TF: variants seen among roughly 807,000 people sequenced by gnomAD.
TF encodes the protein transferrin.
TF carries 55 observed loss-of-function variants against 82.4 expected under a neutral mutation model. That is an observed-to-expected ratio of 0.67 (90% confidence interval 0.54 to 0.84). The LOEUF (loss-of-function observed/expected upper bound fraction) is 0.84. Ranked by LOEUF, TF falls within the 40% of genes least tolerant of loss-of-function variation. The pLI is 0.00. For synonymous variants in TF, 332 were observed against 332.6 expected (o/e 1.00, Z 0.02); for missense variants, 737 against 868.4 (o/e 0.85, Z 1.90).
chr3:133,677,294 G>A, the TF span, among the ~76,000 whole-genome samples: 7 of 152,158 alleles, frequency 4.6e-5, no homozygotes, highest in African/African-American at 1.7e-4. Flanking sequence ...CCTAGTCTAG[G>A]TTACTTGACT....
rs1934325509 is a variant in TF, at chr3:133,774,078, G to C, written c.1688-1355G>C. 5 of 152,264 alleles carry C rather than the reference G, an allele frequency of 3.3e-5. No homozygotes were observed. The South Asian group carries it at 1.0e-3, about 32-fold the overall frequency. The allele number at this position is 152,264 out of a possible 1,614,324, so 9.4% of individuals were successfully genotyped here. A position where few individuals can be genotyped will look rare whatever the true frequency, so the allele number is the denominator to read the frequency against. ...CTGGTTTGAGCTCACACAGCATCTA[G>C]AGTGTTTTACAAAATATAAAATATT... On this transcript the variant is annotated intron_variant, in intron 14 of 16. Coordinates refer to ENST00000402696, the MANE Select transcript of TF (RefSeq NM_001063.4).
At chr3:133,711,162 T>A in the TF span, among the ~76,000 whole-genome samples, 2 of 152,206 alleles carry the variant, frequency 1.3e-5, no homozygotes, top group Non-Finnish European at 2.9e-5. Context: ...AAACTCTTTT[T>A]CCCAATCTCA....
At chr3:133,770,624 G>A in intron 14 of TF, 52 bp downstream of exon 14, 1 of 1,554,328 alleles carries the variant, frequency 6.4e-7, no homozygotes, top group South Asian at 1.1e-5. Context: ...CTGGTCACTG[G>A]TATTCACTTG....
At chr3:133,673,469 G>T in the TF span, among the ~76,000 whole-genome samples, 1 of 152,084 alleles carries the variant, frequency 6.6e-6, no homozygotes, top group Non-Finnish European at 1.5e-5. Flanking sequence ...AGACTACAAC[G>T]ATCAAGAGGA....
chr3:133,748,414 C>G lies in TF; in HGVS notation c.46C>G (p.Leu16Val). The change falls in exon 2 of 17, where the codon CTG (leucine) becomes GTG (valine). Residue 16 changes from leucine to valine, a missense_variant and splice_region_variant. Leu to Val is a conservative substitution (Grantham distance 32). Transcript: ENST00000402696. ...CACCTCTGGCCTCTCTCCCCCAGGG[C>G]TGTGTCTGGCTGTCCCTGATAAAAC... ...GALLVCAVLG[L>V]CLAVPDKTVR... 1.2e-6 allele frequency: 2 copies of G among 1,614,124 alleles called. No homozygotes were observed. The highest frequency in any genetic ancestry group is 1.7e-6 in the Non-Finnish European group (2 of 1,180,034).
chr3:133,709,027 A>G, the TF span, among the ~76,000 whole-genome samples: 7,848 of 152,256 alleles, frequency 0.052, 690 homozygotes, highest in African/African-American at 0.18. Context: ...CAAGACCTCT[A>G]CTAGTACAGT....
At chr3:133,703,402 A>G in the TF span, among the ~76,000 whole-genome samples, 2 of 152,206 alleles carry the variant, frequency 1.3e-5, no homozygotes, top group Non-Finnish European at 2.9e-5. Context: ...TAGTGGTTAC[A>G]AGGAATTAAA....
At chr3:133,667,440 A>G in the TF span, among the ~76,000 whole-genome samples, 1 of 152,268 alleles carries the variant, frequency 6.6e-6, no homozygotes, top group South Asian at 2.1e-4. Flanking sequence ...AACAAGAGAT[A>G]AACCTGAGAA....
At chr3:133,759,710 G>T (rs923961170) in intron 9 of TF, among the ~76,000 whole-genome samples, 1 of 152,136 alleles carries the variant, frequency 6.6e-6, no homozygotes, top group African/African-American at 2.4e-5. Context: ...GAGTATCCTA[G>T]CCTGGCATGG....
At chr3:133,736,868 T>C in the TF span, among the ~76,000 whole-genome samples, 3 of 152,042 alleles carry the variant, frequency 2.0e-5, no homozygotes, top group African/African-American at 7.2e-5. Flanking sequence ...ACAATAATAG[T>C]GGGAGACTTT....
the TF span, among the ~76,000 whole-genome samples, chr3:133,740,323 G>A: frequency 2.6e-5 from 4 of 152,084 alleles, no homozygotes; most frequent in African/African-American, 9.7e-5. Flanking sequence ...TCACACACTG[G>A]GGCCTCTCAG....
intron 9 of TF, chr3:133,762,299 G>T: frequency 5.8e-6 from 1 of 172,646 alleles, no homozygotes. Context: ...GAACTAACTT[G>T]AAAGAAAGGA....
the TF span, among the ~76,000 whole-genome samples, chr3:133,687,876 G>A: frequency 6.6e-6 from 1 of 152,200 alleles, no homozygotes; most frequent in African/African-American, 2.4e-5. Context: ...ATTGTGAATA[G>A]TGCTGCTGTG....
chr3:133,735,444 A>C, the TF span, among the ~76,000 whole-genome samples: 1 of 152,140 alleles, frequency 6.6e-6, no homozygotes, highest in Non-Finnish European at 1.5e-5. Context: ...AAAACTGGAC[A>C]GAGAATGAGT....
At chr3:133,729,521 A>G in the TF span, among the ~76,000 whole-genome samples, 1 of 152,216 alleles carries the variant, frequency 6.6e-6, no homozygotes, top group Admixed American at 6.5e-5. Context: ...AAAGCGCAGT[A>G]TTCGGGTGGA....
At chr3:133,672,617 C>T in the TF span, among the ~76,000 whole-genome samples, 1 of 151,906 alleles carries the variant, frequency 6.6e-6, no homozygotes, top group African/African-American at 2.4e-5. Flanking sequence ...GCCCCAGCTA[C>T]TTGGGAGGCT....
At chr3:133,670,621 TG>T in the TF span, among the ~76,000 whole-genome samples, 1 of 152,250 alleles carries the variant, frequency 6.6e-6, no homozygotes, top group Non-Finnish European at 1.5e-5. Context: ...ATTTGGTTTT[TG>T]TCCATAGGCC....
the TF span, among the ~76,000 whole-genome samples, chr3:133,701,727 CA>C: frequency 3.9e-5 from 6 of 152,290 alleles, no homozygotes; most frequent in African/African-American, 1.4e-4. Flanking sequence ...AGGTCAGGAG[CA>C]GGGGGAAGCT....
the TF span, among the ~76,000 whole-genome samples, chr3:133,724,665 T>G: frequency 2.6e-5 from 4 of 152,220 alleles, no homozygotes; most frequent in African/African-American, 9.6e-5. Flanking sequence ...TTTAATTAGA[T>G]CCCATTTGTC....
Sources: gnomAD v4.1 joint callset for allele counts (sites outside exome capture counted in the v4.1 genomes callset) on GRCh38, gnomAD v4.1.1 for gene constraint, MANE v1.5 for transcripts, NCBI Gene and HGNC (gene_info 2026-07-23, HGNC 2026-07-21) for gene names.